Variants in INHA observed in about 807,000 individuals in gnomAD.
INHA encodes the protein inhibin subunit alpha.
In INHA, 8 loss-of-function variants were observed where a neutral mutation model predicts 21.3. The observed-to-expected ratio is 0.38, with a 90% CI of 0.22 to 0.68. The LOEUF is 0.68. Among genes scored for constraint, INHA ranks in the 30% least tolerant of loss-of-function variants. The probability of loss-of-function intolerance (pLI) is 0.53; values close to 1 mark genes in which losing one functional copy is unlikely to be tolerated. For synonymous variants in INHA, 231 were observed against 207.5 expected (o/e 1.11, Z -0.97); for missense variants, 436 against 465.8 (o/e 0.94, Z 0.59).
Position 219,575,124 on chromosome 2 carries a change from A to G in INHA, c.699A>G (p.Ser233=). The change falls in exon 2 of 2, where the codon TCA becomes TCG. Residue 233 remains serine (S), a synonymous_variant. Transcript: ENST00000243786. ...GTGGAGGGGAGAGAGCCCGACGCTC[A>G]ACTCCCCTGATGTCCTGGCCTTGGT... ...PPSGGERARR[S]TPLMSWPWSP... The G allele has an allele frequency of 6.2e-7, 1 of 1,614,144 alleles. No homozygotes were observed. The highest frequency in any genetic ancestry group is 1.7e-5 in the Admixed American group (1 of 60,032).
Position 219,572,353 on chromosome 2 carries a change from C to A in INHA, c.-22C>A, listed in dbSNP as rs781456302. On this transcript the variant is annotated 5_prime_UTR_variant, in exon 1 of 2. Coordinates refer to ENST00000243786, the MANE Select transcript of INHA (RefSeq NM_002191.4). ...GGCACGGGGCAGGGTGTGAGTTCCCCACTAGCAGGGCCAGGTGAGCTATGG... is the reference window on the plus strand; with the variant it reads ...GGCACGGGGCAGGGTGTGAGTTCCCAACTAGCAGGGCCAGGTGAGCTATGG... 1.2e-6 allele frequency: 2 copies of A among 1,613,406 alleles called. No individual in the cohort carries two copies. The highest frequency in any genetic ancestry group is 1.7e-6 in the Non-Finnish European group (2 of 1,180,014).
chr2:219,572,695 G>C (rs921028848), intron 1 of INHA, 53 bp downstream of exon 1: 1 of 1,546,216 alleles, frequency 6.5e-7, no homozygotes, highest in Non-Finnish European at 8.7e-7. Flanking sequence ...GCAAGGCACA[G>C]CATGGGTTTG....
In INHA at chr2:219,575,336, C is replaced by T; in HGVS notation, c.911C>T (p.Ser304Phe). 3 of 1,614,220 alleles carry T rather than the reference C, an allele frequency of 1.9e-6. No individual in the cohort carries two copies. The highest frequency in any genetic ancestry group is 1.7e-6 in the Non-Finnish European group (2 of 1,180,024). Residue 304 changes from serine to phenylalanine, a missense_variant, in exon 2 of 2, where the codon TCC (serine) becomes TTC (phenylalanine). Physicochemically the swap from Ser to Phe is radical, Grantham distance 155 (BLOSUM62 -2). Transcript: ENST00000243786. ...GGGCTGCACATCCCACCAAACCTGT[C>T]CCTTCCAGTCCCTGGGGCTCCCCCT... ...GCGLHIPPNL[S>F]LPVPGAPPTP...
chr2:219,575,063 C>T lies in INHA; in HGVS notation c.638C>T (p.Pro213Leu), dbSNP rs1037869771. The T allele has an allele frequency of 2.5e-6, 4 of 1,613,656 alleles. No homozygotes were observed. In the African/African-American group the frequency reaches 5.3e-5, roughly 22 times the overall value. ...TGCTCAGCCCGGCCTGAGGCCACGC[C>T]CTTCCTGGTGGCCCACACTCGGACC... ...CTCSARPEAT[P>L]FLVAHTRTRP... Residue 213 changes from proline (P) to leucine (L), a missense_variant, in exon 2 of 2, where the codon CCC becomes CTC. Pro to Leu is a moderately conservative substitution (Grantham distance 98, BLOSUM62 -3). Transcript: ENST00000243786.
Position 219,575,582 on chromosome 2 carries a change from T to C in INHA, c.*56T>C. The C allele has an allele frequency of 7.1e-7, 1 of 1,412,180 alleles. No homozygotes were observed. Among genetic ancestry groups the C allele is most frequent in the East Asian group, 2.3e-5 (1 of 43,990 alleles). 87.5% of individuals were successfully genotyped at this position (1,412,180 alleles called of 1,614,324 possible). A position where few individuals can be genotyped will look rare whatever the true frequency, so the allele number is the denominator to read the frequency against. On this transcript the variant is annotated 3_prime_UTR_variant, in exon 2 of 2. Transcript: ENST00000243786. ...GCTGGTGGCCACGCCCCCACCATCA[T>C]CAGCTGGGAGGAAAGGCAGAGTTGG...
rs908796198 is a variant in INHA at position 219,572,715 on chromosome 2, C to T, written c.268+73C>T. ...GCACAGCATGGGTTTGCAGGCCAGG[C>T]GGACCTGGGTTTGAATCCTAGTCCT... is the stretch of plus-strand genomic sequence containing the variant. On this transcript the variant is annotated intron_variant, in intron 1 of 1. Coordinates refer to ENST00000243786, the MANE Select transcript of INHA (RefSeq NM_002191.4). 2.7e-5 allele frequency: 41 copies of T among 1,515,420 alleles called. No individual in the cohort carries two copies. In the East Asian group the frequency reaches 2.9e-4, roughly 11 times the overall value. 93.9% of individuals were successfully genotyped at this position (1,515,420 alleles called of 1,614,324 possible). A position where few individuals can be genotyped will look rare whatever the true frequency, so the allele number is the denominator to read the frequency against.
In INHA at chr2:219,572,649, A is replaced by C. The variant is rs967325551; in HGVS notation, c.268+7A>C. On this transcript the variant is annotated splice_region_variant and intron_variant, in intron 1 of 1. Coordinates refer to ENST00000243786, the MANE Select transcript of INHA (RefSeq NM_002191.4). ...ATCCTTTTCCCAGCCACAGGTAACG[A>C]GGGTGGGGGAACCGGCAGGATGACT... 1 of 1,551,348 alleles carries C rather than the reference A, an allele frequency of 6.4e-7. No homozygotes were observed. The highest frequency in any genetic ancestry group is 1.4e-5 in the African/African-American group (1 of 73,074).
At chr2:219,572,769 C>T in intron 1 of INHA, 127 bp downstream of exon 1, 1 of 1,057,824 alleles carries the variant, frequency 9.5e-7, no homozygotes, top group Non-Finnish European at 1.4e-6. Context: ...AGCAATAGGC[C>T]AGTTACTAAA....
Position 219,572,425 on chromosome 2 carries a change from C to G in INHA, c.51C>G (p.His17Gln). The change falls in exon 1 of 2, where the codon CAC becomes CAG. Residue 17 changes from histidine (H) to glutamine (Q), a missense_variant. Physicochemically the swap from His to Gln is conservative, Grantham distance 24. Coordinates refer to ENST00000243786, the MANE Select transcript of INHA (RefSeq NM_002191.4). ...TGCTGCTGACCCCACAGGGTGGGCA[C>G]AGCTGCCAGGGGCTGGAGCTGGCCC... ...LFLLLTPQGG[H>Q]SCQGLELARE... 6.2e-7 allele frequency: 1 copy of G among 1,614,058 alleles called. No homozygotes were observed.
At position 219,572,411 on chromosome 2, in the gene INHA, C is replaced by A; in HGVS notation, c.37C>A (p.Pro13Thr). 1.2e-6 allele frequency: 2 copies of A among 1,614,044 alleles called. No homozygotes were observed. The highest frequency in any genetic ancestry group is 1.7e-6 in the Non-Finnish European group (2 of 1,180,026). The part of the protein sequence containing the change: ...LHLLLFLLLT[P>T]QGGHSCQGLE... ...CCTACTGCTCTTCTTGCTGCTGACCCCACAGGGTGGGCACAGCTGCCAGGG... is the reference window on the plus strand; with the variant it reads ...CCTACTGCTCTTCTTGCTGCTGACCACACAGGGTGGGCACAGCTGCCAGGG... The change falls in exon 1 of 2, where the codon CCA (proline) becomes ACA (threonine). Residue 13 changes from proline (P) to threonine (T), a missense_variant. Pro to Thr is a conservative substitution (Grantham distance 38). Coordinates refer to ENST00000243786, the MANE Select transcript of INHA (RefSeq NM_002191.4).
At chr2:219,573,379 G>C (rs1697463289) in intron 1 of INHA, among the ~76,000 whole-genome samples, 1 of 152,226 alleles carries the variant, frequency 6.6e-6, no homozygotes, top group African/African-American at 2.4e-5. Context: ...GAGAAGCCAT[G>C]TAACAGTATA....
intron 1 of INHA, among the ~76,000 whole-genome samples, chr2:219,573,971 CAA>C (rs67844693): frequency 3.3e-4 from 36 of 110,436 alleles, no homozygotes; most frequent in African/African-American, 9.2e-4. Flanking sequence ...GACTCCATCT[CAA>C]AAAAAAAAAA....
At chr2:219,574,618 C>T (rs1697486626) in intron 1 of INHA, 76 bp from the exon 2 acceptor site, 2 of 1,251,572 alleles carry the variant, frequency 1.6e-6, no homozygotes, top group Non-Finnish European at 1.1e-6. Context: ...GTGGCCACAT[C>T]CCTCCTGCTG....
At chr2:219,573,127 G>A (rs1380927782) in intron 1 of INHA, among the ~76,000 whole-genome samples, 1 of 152,190 alleles carries the variant, frequency 6.6e-6, no homozygotes. Context: ...GTGCCCCCTT[G>A]TTCCACTGAC....
rs757864159 is a variant in INHA at position 219,575,446 on chromosome 2, C to T, written c.1021C>T (p.Arg341Cys). Residue 341 changes from arginine (R) to cysteine (C), a missense_variant, in exon 2 of 2, where the codon CGC (arginine) becomes TGC (cysteine). By Grantham distance (180) the Arg-to-Cys change is radical (BLOSUM62 -3). Coordinates refer to ENST00000243786, the MANE Select transcript of INHA (RefSeq NM_002191.4). ...AGGGACCATGAGGCCCCTACATGTCCGCACCACCTCGGATGGAGGTTACTC... is the reference window on the plus strand; with the variant it reads ...AGGGACCATGAGGCCCCTACATGTCTGCACCACCTCGGATGGAGGTTACTC... ...LPGTMRPLHV[R>C]TTSDGGYSFK... 1.8e-5 allele frequency: 29 copies of T among 1,613,910 alleles called. No homozygotes were observed. Among genetic ancestry groups the T allele is most frequent in the East Asian group, 8.9e-5 (4 of 44,890 alleles).
In INHA at chr2:219,575,046, C is replaced by G. The variant is rs1372424049; in HGVS notation, c.621C>G (p.Ala207=). 2 of 1,613,494 alleles carry G rather than the reference C, an allele frequency of 1.2e-6. No homozygotes were observed. The highest frequency in any genetic ancestry group is 1.7e-6 in the Non-Finnish European group (2 of 1,180,030). ...GCTGTCCCCTCTGTACCTGCTCAGCCCGGCCTGAGGCCACGCCCTTCCTGG... is the reference window on the plus strand; with the variant it reads ...GCTGTCCCCTCTGTACCTGCTCAGCGCGGCCTGAGGCCACGCCCTTCCTGG... ...LLRCPLCTCS[A]RPEATPFLVA... The change falls in exon 2 of 2, where the codon GCC becomes GCG. Residue 207 remains alanine (A), a synonymous_variant. Coordinates refer to ENST00000243786, the MANE Select transcript of INHA (RefSeq NM_002191.4).
At position 219,575,192 on chromosome 2, in the gene INHA, C is replaced by T. The variant is rs373504529; in HGVS notation, c.767C>T (p.Pro256Leu). 54 of 1,614,252 alleles carry T rather than the reference C, an allele frequency of 3.3e-5. No individual in the cohort carries two copies. In the African/African-American group the frequency reaches 4.7e-4, roughly 14 times the overall value. Residue 256 changes from proline to leucine, a missense_variant, in exon 2 of 2, where the codon CCG becomes CTG. Pro to Leu is a moderately conservative substitution (Grantham distance 98, BLOSUM62 -3). Coordinates refer to ENST00000243786, the MANE Select transcript of INHA (RefSeq NM_002191.4). ...CTGCTGCAGAGGCCTCCGGAGGAAC[C>T]GGCTGCCCATGCCAACTGCCACAGA... ...LRLLQRPPEE[P>L]AAHANCHRVA...
intron 1 of INHA, among the ~76,000 whole-genome samples, chr2:219,573,612 C>T (rs1276536653): frequency 3.4e-5 from 5 of 148,148 alleles, no homozygotes; most frequent in African/African-American, 1.2e-4. Flanking sequence ...TTGGTGTAAA[C>T]CTGTCTTTTA....
intron 1 of INHA, 124 bp from the exon 2 acceptor site, chr2:219,574,570 C>A: frequency 1.3e-6 from 1 of 759,060 alleles, no homozygotes; most frequent in Non-Finnish European, 2.2e-6. Flanking sequence ...TCCCGGAGGG[C>A]GTGGAGCAGA....
Sources: allele counts gnomAD v4.1 joint callset (sites outside exome capture counted in the v4.1 genomes callset), GRCh38; gene constraint gnomAD v4.1.1; transcripts MANE v1.5; gene names NCBI Gene and HGNC (gene_info 2026-07-23, HGNC 2026-07-21).